Variants in KCNQ1 observed in about 807,000 individuals in gnomAD.
KCNQ1 encodes potassium voltage-gated channel subfamily KQT member 1.
KCNQ1 carries 49 observed loss-of-function variants against 72.4 expected under a neutral mutation model. That is an observed-to-expected ratio of 0.68 (90% CI 0.54 to 0.86). KCNQ1 has a LOEUF of 0.86. Ranked by LOEUF, KCNQ1 falls within the 40% of genes least tolerant of loss-of-function variation. The pLI is 0.00. For missense variants in KCNQ1, 790 were observed against 945.1 expected (o/e 0.84, Z 2.15); for synonymous variants, 450 against 412.6 (o/e 1.09, Z -1.10).
rs972311414 is a variant in KCNQ1 at position 2,471,389 on chromosome 11, C to T, written c.386+25905C>T. Among the ~76,000 whole-genome samples, 4 of 152,182 alleles carry T rather than the reference C, an allele frequency of 2.6e-5. No individual in the cohort carries two copies. The highest frequency in any genetic ancestry group is 1.9e-4 in the East Asian group (1 of 5,178). ...CCAACCCTGACCCAAGTGTCCTTCA[C>T]GCTCAGCAACGCCACAGCCTCTGAC... On this transcript the variant is annotated intron_variant, in intron 1 of 15. Transcript: ENST00000155840. The surrounding 1 kb of genome is among the most constrained non-coding windows in gnomAD (Gnocchi z 4.8).
chr11:2,727,941 G>A (rs1845794549), intron 11 of KCNQ1, among the ~76,000 whole-genome samples: 1 of 152,124 alleles, frequency 6.6e-6, no homozygotes, highest in South Asian at 2.1e-4. Flanking sequence ...GCTAGTCAAA[G>A]CGCTTCATTT....
chr11:2,627,668 G>GTA lies in KCNQ1; in HGVS notation c.1394-34287_1394-34286dup. 2 of 398,486 alleles carry GTA rather than the reference G, an allele frequency of 5.0e-6. No homozygotes were observed. The highest frequency in any genetic ancestry group is 4.4e-6 in the Non-Finnish European group (1 of 226,036). The allele number at this position is 398,486 out of a possible 1,614,324, so 24.7% of individuals were successfully genotyped here. A position where few individuals can be genotyped will look rare whatever the true frequency, so the allele number is the denominator to read the frequency against. On this transcript the variant is annotated intron_variant, in intron 10 of 15. Coordinates refer to ENST00000155840, the MANE Select transcript of KCNQ1 (RefSeq NM_000218.3). The surrounding 1 kb of genome is among the most constrained non-coding windows in gnomAD (Gnocchi z 4.9). ...AGGATGAATATTTCATTGTGTGTGT[G>GTA]TATATATGTGTGTGTGTGTGTCTGT...
intron 10 of KCNQ1, among the ~76,000 whole-genome samples, chr11:2,589,056 C>T (rs1236943900): frequency 3.3e-5 from 5 of 152,210 alleles, no homozygotes; most frequent in African/African-American, 1.2e-4. Context: ...GAGGAGCTGG[C>T]CACGCCTTCT....
chr11:2,680,674 A>T, intron 11 of KCNQ1: 1 of 398,260 alleles, frequency 2.5e-6, no homozygotes, highest in Admixed American at 4.4e-5. Flanking sequence ...GACATTTCTA[A>T]CTCTTCAAGA....
In KCNQ1 at chr11:2,768,037, G is replaced by T. The variant is rs1846528188; in HGVS notation, c.1515-807G>T. Among the ~76,000 whole-genome samples the T allele has an allele frequency of 6.6e-6, 1 of 152,118 alleles. No homozygotes were observed. Among genetic ancestry groups the T allele is most frequent in the South Asian group, 2.1e-4 (1 of 4,822 alleles). On this transcript the variant is annotated intron_variant, in intron 11 of 15. Transcript: ENST00000155840. This position sits in a 1 kb window ranked among gnomAD's most constrained non-coding sequence, Gnocchi z 6.7. ...GCTCAGTTCATTTCCTTTCTATGTG[G>T]GATCCTCACCTTCTATGTCTTTCTT...
At position 2,579,565 on chromosome 11, in the gene KCNQ1, C is replaced by T. The variant is rs1848469331; in HGVS notation, c.922-3870C>T. Among the ~76,000 whole-genome samples the T allele has an allele frequency of 6.6e-6, 1 of 152,210 alleles. No homozygotes were observed. Among genetic ancestry groups the T allele is most frequent in the Admixed American group, 6.5e-5 (1 of 15,286 alleles). Reference sequence around the variant, plus strand: ...TGTGTCTGAATGCAGGAAAAACAAACAGGTCTGCAGGGAGGGGCCGTTTCC... The same window carrying T: ...TGTGTCTGAATGCAGGAAAAACAAATAGGTCTGCAGGGAGGGGCCGTTTCC... On this transcript the variant is annotated intron_variant, in intron 6 of 15. Coordinates refer to ENST00000155840, the MANE Select transcript of KCNQ1 (RefSeq NM_000218.3). The surrounding 1 kb of genome is among the most constrained non-coding windows in gnomAD (Gnocchi z 6.0).
chr11:2,796,402 C>A (rs183803792), intron 15 of KCNQ1, among the ~76,000 whole-genome samples: 32 of 152,344 alleles, frequency 2.1e-4, no homozygotes, highest in Non-Finnish European at 4.3e-4. Context: ...GGCAGGGTGG[C>A]AGGAAGCACC....
At chr11:2,688,591 G>A in intron 11 of KCNQ1, 1 of 398,724 alleles carries the variant, frequency 2.5e-6, no homozygotes, top group East Asian at 3.6e-5. Flanking sequence ...CTCGCTCACT[G>A]AGGCCAGGCA....
intron 1 of KCNQ1, among the ~76,000 whole-genome samples, chr11:2,514,764 TG>T (rs1847261982): frequency 6.6e-6 from 1 of 152,188 alleles, no homozygotes; most frequent in Non-Finnish European, 1.5e-5. Flanking sequence ...AGGCAGAGCT[TG>T]CAGTGAGCCG....
chr11:2,741,324 T>C (rs1005474970), intron 11 of KCNQ1, among the ~76,000 whole-genome samples: 2 of 152,210 alleles, frequency 1.3e-5, no homozygotes, highest in Non-Finnish European at 2.9e-5. Flanking sequence ...GAGGTCTGAC[T>C]GGCGCTTGCC....
intron 8 of KCNQ1, 96 bp from the exon 9 acceptor site, chr11:2,587,474 C>T: frequency 1.3e-6 from 2 of 1,566,452 alleles, no homozygotes; most frequent in Non-Finnish European, 8.7e-7. Context: ...GGGGAGGGGC[C>T]AGGCCTGGGG....
rs894991129 is a variant in KCNQ1 at position 2,601,288 on chromosome 11, G to C, written c.1393+12434G>C. 6.6e-6 allele frequency among the ~76,000 whole-genome samples: 1 copy of C among 152,024 alleles called. No individual in the cohort carries two copies. The highest frequency in any genetic ancestry group is 1.5e-5 in the Non-Finnish European group (1 of 68,014). On this transcript the variant is annotated intron_variant, in intron 10 of 15. Transcript: ENST00000155840. The surrounding 1 kb of genome is among the most constrained non-coding windows in gnomAD (Gnocchi z 5.2). ...CTAATGATGCTGAGCATTTTTCCAC[G>C]TGCCTAGTGCCCAATTGTGTATCTT...
At chr11:2,530,817 GTATT>G (rs999805400) in intron 2 of KCNQ1, among the ~76,000 whole-genome samples, 17 of 152,290 alleles carry the variant, frequency 1.1e-4, no homozygotes, top group African/African-American at 4.1e-4. Flanking sequence ...TGTGTTGTGT[GTATT>G]TATGTATAGC....
In KCNQ1 at chr11:2,748,052, C is replaced by T. The variant is rs932503813; in HGVS notation, c.1515-20792C>T. ...GGCTCTGCAAGCAATATCTGATTTT[C>T]AGAAAACCATGGCTCACCCACACTC... On this transcript the variant is annotated intron_variant, in intron 11 of 15. Transcript: ENST00000155840. This position sits in a 1 kb window ranked among gnomAD's most constrained non-coding sequence, Gnocchi z 6.2. Among the ~76,000 whole-genome samples, 4 of 152,168 alleles carry T rather than the reference C, an allele frequency of 2.6e-5. No individual in the cohort carries two copies. The highest frequency in any genetic ancestry group is 9.7e-5 in the African/African-American group (4 of 41,436).
chr11:2,782,167 G>A lies in KCNQ1; in HGVS notation c.1794+4130G>A, dbSNP rs533034721. ...TTCCCCGAGCTGCACCCCCAGAGCCGCCGTGCTGCTGTTCATCCTCTCCCT... is the reference window on the plus strand; with the variant it reads ...TTCCCCGAGCTGCACCCCCAGAGCCACCGTGCTGCTGTTCATCCTCTCCCT... On this transcript the variant is annotated intron_variant, in intron 15 of 15. Transcript: ENST00000155840. The surrounding 1 kb of genome is among the most constrained non-coding windows in gnomAD (Gnocchi z 6.1). 5.3e-5 allele frequency among the ~76,000 whole-genome samples: 8 copies of A among 152,150 alleles called. No individual in the cohort carries two copies. The highest frequency in any genetic ancestry group is 4.2e-4 in the South Asian group (2 of 4,812).
chr11:2,777,189 C>T (rs975290515), intron 14 of KCNQ1, among the ~76,000 whole-genome samples, 157 bp downstream of exon 14: 1 of 152,162 alleles, frequency 6.6e-6, no homozygotes, highest in African/African-American at 2.4e-5. Flanking sequence ...GAGGTAGACC[C>T]CACCCTTAGC....
chr11:2,539,412 G>A (rs1035701820), intron 2 of KCNQ1, among the ~76,000 whole-genome samples: 3 of 152,222 alleles, frequency 2.0e-5, no homozygotes, highest in East Asian at 1.9e-4. Flanking sequence ...CTAGAGGAAC[G>A]GGCTTACGCT....
rs535328003 is a variant in KCNQ1, at chr11:2,753,229, G to A, written c.1515-15615G>A. The stretch of plus-strand genomic sequence containing the variant: ...ACAGTATCTGAGGCGGGGGAGTCAC[G>A]AGATCTTCAGTCTGTCCCTCGGAAA... On this transcript the variant is annotated intron_variant, in intron 11 of 15. Transcript: ENST00000155840. Among the ~76,000 whole-genome samples the A allele has an allele frequency of 3.7e-3, 565 of 152,278 alleles. 1 individual carries two copies. The highest frequency in any genetic ancestry group is 6.0e-3 in the Non-Finnish European group (405 of 68,014).
In KCNQ1 at chr11:2,627,662, G is replaced by A; in HGVS notation, c.1394-34299G>A. The A allele has an allele frequency of 2.5e-6, 1 of 398,512 alleles. No homozygotes were observed. Among genetic ancestry groups the A allele is most frequent in the Non-Finnish European group, 4.4e-6 (1 of 226,040 alleles). 24.7% of individuals were successfully genotyped at this position (398,512 alleles called of 1,614,324 possible). A position where few individuals can be genotyped will look rare whatever the true frequency, so the allele number is the denominator to read the frequency against. On this transcript the variant is annotated intron_variant, in intron 10 of 15. Coordinates refer to ENST00000155840, the MANE Select transcript of KCNQ1 (RefSeq NM_000218.3). This position sits in a 1 kb window ranked among gnomAD's most constrained non-coding sequence, Gnocchi z 4.9. ...TTTTAAAGGATGAATATTTCATTGT[G>A]TGTGTGTATATATGTGTGTGTGTGT...
Sources: gnomAD v4.1 joint callset for allele counts (sites outside exome capture counted in the v4.1 genomes callset) on GRCh38, gnomAD v4.1.1 for gene constraint, Gnocchi (gnomAD v3.1) non-coding constraint, MANE v1.5 for transcripts, NCBI Gene and HGNC (gene_info 2026-07-23, HGNC 2026-07-21) for gene names.